The following DLGAP2 variants were observed in gnomAD, a reference collection of about 807,000 sequenced individuals.
DLGAP2 encodes the protein disks large-associated protein 2.
A neutral mutation model predicts 100.3 loss-of-function variants in DLGAP2; 26 were observed. That is an observed-to-expected ratio of 0.26 (90% CI 0.19 to 0.36). The LOEUF is 0.36. Among genes scored for constraint, DLGAP2 ranks in the 10% least tolerant of loss-of-function variants. DLGAP2 has a pLI of 1.00. For missense variants in DLGAP2, 1,858 were observed against 1,453.2 expected, an observed-to-expected ratio of 1.28 and a Z score of -4.53; for synonymous variants, 886 against 630.1, an observed-to-expected ratio of 1.41 and a Z score of -6.08.
chr8:901,556 C>G (rs1798251411), intron 1 of DLGAP2, among the ~76,000 whole-genome samples: 1 of 152,148 alleles, frequency 6.6e-6, no homozygotes, highest in Non-Finnish European at 1.5e-5. Flanking sequence ...GTTAAATGAT[C>G]ACGGTGAGAT....
chr8:956,340 C>T (rs1243468203), intron 2 of DLGAP2, among the ~76,000 whole-genome samples: 1 of 152,180 alleles, frequency 6.6e-6, no homozygotes, highest in African/African-American at 2.4e-5. Context: ...ACACAGTGGG[C>T]CCCAGAAAGC....
chr8:1,134,063 T>G (rs1291947933), intron 2 of DLGAP2, among the ~76,000 whole-genome samples: 1 of 151,114 alleles, frequency 6.6e-6, no homozygotes, highest in Non-Finnish European at 1.5e-5. Flanking sequence ...GTTCTCATCA[T>G]TTAGCTCCCA....
chr8:1,151,605 G>A (rs549180800), intron 2 of DLGAP2, among the ~76,000 whole-genome samples: 1 of 152,306 alleles, frequency 6.6e-6, no homozygotes, highest in East Asian at 1.9e-4. Context: ...TTCGCAAGGG[G>A]AAATGAGTGC....
chr8:1,694,453 G>T (rs575923503), intron 13 of DLGAP2, among the ~76,000 whole-genome samples: 4 of 152,192 alleles, frequency 2.6e-5, no homozygotes, highest in Non-Finnish European at 4.4e-5. Context: ...CTTTCGGGAC[G>T]GACCGCGGGG....
chr8:1,312,089 G>A (rs1800626700), intron 3 of DLGAP2, among the ~76,000 whole-genome samples: 1 of 152,212 alleles, frequency 6.6e-6, no homozygotes. Flanking sequence ...TCATCCAACA[G>A]CAGCAGAACA....
At chr8:1,218,364 G>A (rs896055874) in intron 2 of DLGAP2, among the ~76,000 whole-genome samples, 2 of 152,158 alleles carry the variant, frequency 1.3e-5, no homozygotes, top group Admixed American at 6.5e-5. Flanking sequence ...CCAGTTGCTT[G>A]TTATTGTCAA....
At chr8:1,463,793 G>A (rs532829743) in intron 3 of DLGAP2, among the ~76,000 whole-genome samples, 4 of 152,372 alleles carry the variant, frequency 2.6e-5, no homozygotes, top group African/African-American at 9.6e-5. Flanking sequence ...GCGAGCAGGT[G>A]CAGCCACGAG....
intron 3 of DLGAP2, among the ~76,000 whole-genome samples, chr8:1,443,958 G>A (rs1797910740): frequency 6.6e-6 from 1 of 152,190 alleles, no homozygotes; most frequent in Non-Finnish European, 1.5e-5. Flanking sequence ...TAACAAGACA[G>A]AGCTGTGACT....
At chr8:1,507,100 C>T (rs1197627321) in intron 4 of DLGAP2, among the ~76,000 whole-genome samples, 1 of 152,260 alleles carries the variant, frequency 6.6e-6, no homozygotes, top group Non-Finnish European at 1.5e-5. Context: ...GCCCAGCTGG[C>T]TTCACCTAGC....
In DLGAP2 at chr8:892,779, T is replaced by G. The variant is rs571137594; in HGVS notation, c.19-15133T>G. ...AGCCAGGCAGGCCATGCTCCAGCAG[T>G]AGCAGCAACATCTCAGGTTTAGGAG... On this transcript the variant is annotated intron_variant, in intron 1 of 14. Transcript: ENST00000637795. Among the ~76,000 whole-genome samples the G allele has an allele frequency of 1.3e-3, 204 of 152,262 alleles. 1 individual carries two copies. The highest frequency in any genetic ancestry group is 4.7e-3 in the African/African-American group (196 of 41,562).
At chr8:1,552,702 G>C (rs1801810868) in intron 5 of DLGAP2, among the ~76,000 whole-genome samples, 1 of 152,216 alleles carries the variant, frequency 6.6e-6, no homozygotes, top group South Asian at 2.1e-4. Flanking sequence ...AATAAGAAGA[G>C]AGAAATAAAT....
intron 3 of DLGAP2, among the ~76,000 whole-genome samples, chr8:1,477,762 C>G (rs540828523): frequency 2.6e-5 from 4 of 150,958 alleles, no homozygotes; most frequent in Middle Eastern, 6.8e-3. Flanking sequence ...CACAAGAAAC[C>G]AGATTATGTG....
chr8:1,407,733 G>A lies in DLGAP2; in HGVS notation c.107-93633G>A, dbSNP rs1325231517. Among the ~76,000 whole-genome samples, 14 of 125,056 alleles carry A rather than the reference G, an allele frequency of 1.1e-4. 2 individuals carry two copies. The highest frequency in any genetic ancestry group is 1.7e-4 in the Non-Finnish European group (10 of 58,020). 82.0% of individuals were successfully genotyped at this position (125,056 alleles called of 152,430 possible). ...GTCGTGTATTGAGTGCTTACTGAGC[G>A]CCAGCTCGTCATCCTCCAGAGTCGT... On this transcript the variant is annotated intron_variant, in intron 3 of 14. Transcript: ENST00000637795.
At chr8:1,128,464 A>G (rs949332548) in intron 2 of DLGAP2, among the ~76,000 whole-genome samples, 3 of 152,218 alleles carry the variant, frequency 2.0e-5, no homozygotes, top group Non-Finnish European at 4.4e-5. Flanking sequence ...GCTTAGATGT[A>G]CAGACCCTCG....
chr8:1,171,835 C>G (rs568773395), intron 2 of DLGAP2, among the ~76,000 whole-genome samples: 3 of 152,086 alleles, frequency 2.0e-5, no homozygotes, highest in Non-Finnish European at 2.9e-5. Flanking sequence ...GACTCTTTAT[C>G]CAATTTGCCA....
chr8:1,483,055 G>GC (rs974814318), intron 3 of DLGAP2, among the ~76,000 whole-genome samples: 1 of 152,128 alleles, frequency 6.6e-6, no homozygotes. Context: ...AGCCTCCGGC[G>GC]CGCGCGGCCG....
intron 2 of DLGAP2, among the ~76,000 whole-genome samples, chr8:1,173,009 G>A (rs1392614639): frequency 2.6e-5 from 4 of 152,082 alleles, no homozygotes; most frequent in African/African-American, 9.7e-5. Flanking sequence ...CATCTTTGTG[G>A]TTTTATCTAC....
intron 1 of DLGAP2, among the ~76,000 whole-genome samples, chr8:862,799 G>A (rs139429116): frequency 4.2e-4 from 64 of 152,340 alleles, no homozygotes; most frequent in Admixed American, 1.8e-3. Context: ...GGGCCCCAAA[G>A]TCTGGTGTTG....
At chr8:1,334,887 T>C (rs1295922367) in intron 3 of DLGAP2, among the ~76,000 whole-genome samples, 1 of 152,198 alleles carries the variant, frequency 6.6e-6, no homozygotes, top group Non-Finnish European at 1.5e-5. Flanking sequence ...TGAATGTTCT[T>C]TCTTCTCCTC....
Sources: gnomAD v4.1 joint callset for allele counts (sites outside exome capture counted in the v4.1 genomes callset) on GRCh38, gnomAD v4.1.1 for gene constraint, MANE v1.5 for transcripts, NCBI Gene and HGNC (gene_info 2026-07-23, HGNC 2026-07-21) for gene names.